Variants in PLCB1 observed in about 807,000 individuals in gnomAD.
PLCB1 encodes the protein 1-phosphatidylinositol 4,5-bisphosphate phosphodiesterase beta-1.
In PLCB1, 46 loss-of-function variants were observed where a neutral mutation model predicts 161.8. The ratio of observed to expected loss-of-function variants is 0.28; its 90% CI spans 0.22 to 0.36. The LOEUF (loss-of-function observed/expected upper bound fraction) is 0.36. PLCB1 is among the 10% of genes least tolerant of loss of function. PLCB1 has a pLI of 1.00. For missense variants in PLCB1, 1,016 were observed against 1,472.5 expected (o/e 0.69, Z 5.07); for synonymous variants, 517 against 503.7 (o/e 1.03, Z -0.35).
At chr20:8,644,350 G>T (rs1321600078) in intron 4 of PLCB1, among the ~76,000 whole-genome samples, 1 of 149,728 alleles carries the variant, frequency 6.7e-6, no homozygotes, top group Non-Finnish European at 1.5e-5. Flanking sequence ...AGGAAGTGAG[G>T]AGCGCCTCTT....
intron 3 of PLCB1, among the ~76,000 whole-genome samples, chr20:8,442,286 G>A (rs902454829): frequency 6.6e-6 from 1 of 152,226 alleles, no homozygotes; most frequent in African/African-American, 2.4e-5. Context: ...ATACTGAGAT[G>A]TTCAAGGGGC....
chr20:8,542,594 A>G (rs967399483), intron 3 of PLCB1, among the ~76,000 whole-genome samples: 6 of 152,352 alleles, frequency 3.9e-5, no homozygotes, highest in Admixed American at 3.9e-4. Flanking sequence ...GGGGGAGAAA[A>G]AGAACAGCAC....
At chr20:8,849,638 T>C (rs1986817801) in intron 31 of PLCB1, among the ~76,000 whole-genome samples, 1 of 151,030 alleles carries the variant, frequency 6.6e-6, no homozygotes, top group Non-Finnish European at 1.5e-5. Flanking sequence ...ATCATGCCAC[T>C]GCACTCCAGC....
chr20:8,653,087 T>A (rs550709053), intron 7 of PLCB1: 288 of 152,206 alleles, frequency 1.9e-3, no homozygotes, highest in African/African-American at 6.7e-3. Flanking sequence ...CAGTGACATC[T>A]GGAATTGTAT....
At chr20:8,474,355 G>A (rs945765008) in intron 3 of PLCB1, among the ~76,000 whole-genome samples, 3 of 152,216 alleles carry the variant, frequency 2.0e-5, no homozygotes, top group Non-Finnish European at 2.9e-5. Flanking sequence ...GGCTGTCAGA[G>A]TATGACATTT....
At chr20:8,192,529 A>C (rs1157275014) in intron 2 of PLCB1, among the ~76,000 whole-genome samples, 2 of 151,254 alleles carry the variant, frequency 1.3e-5, no homozygotes, top group Non-Finnish European at 2.9e-5. Flanking sequence ...TTTTTTAAGA[A>C]TGCAACATCA....
At chr20:8,158,156 A>G (rs369240346) in intron 2 of PLCB1, among the ~76,000 whole-genome samples, 1 of 152,256 alleles carries the variant, frequency 6.6e-6, no homozygotes, top group Non-Finnish European at 1.5e-5. Flanking sequence ...TGCATTCTGC[A>G]TATTGTTCAT....
intron 31 of PLCB1, 52 bp downstream of exon 31, chr20:8,790,313 G>A: frequency 1.4e-6 from 2 of 1,424,150 alleles, no homozygotes; most frequent in Non-Finnish European, 2.0e-6. Flanking sequence ...TTTCCATTTA[G>A]TAAGAGTAAA....
At chr20:8,858,761 G>T (rs13041928) in intron 31 of PLCB1, among the ~76,000 whole-genome samples, 1 of 151,828 alleles carries the variant, frequency 6.6e-6, no homozygotes, top group African/African-American at 2.4e-5. Context: ...CTTACTTAGA[G>T]GTGACCAGAT....
chr20:8,160,584 A>G (rs765879484), intron 2 of PLCB1, among the ~76,000 whole-genome samples: 3 of 152,190 alleles, frequency 2.0e-5, no homozygotes, highest in Non-Finnish European at 2.9e-5. Flanking sequence ...TTTTAAAACC[A>G]TTAGATCTTG....
intron 31 of PLCB1, among the ~76,000 whole-genome samples, chr20:8,873,532 A>G (rs1277052560): frequency 1.3e-5 from 2 of 152,170 alleles, no homozygotes; most frequent in Admixed American, 1.3e-4. Context: ...TGCTATTTTT[A>G]TGCTAAAAAT....
At position 8,697,400 on chromosome 20, in the gene PLCB1, C is replaced by T. The variant is rs116279014; in HGVS notation, c.1010-226C>T. On this transcript the variant is annotated intron_variant, in intron 10 of 31. Coordinates refer to ENST00000338037, the MANE Select transcript of PLCB1 (RefSeq NM_015192.4). ...TGGTAAATAGTTAATAAACATGCAT[C>T]GTTGTTATTGTTACAATGCCCTATC... Among the ~76,000 whole-genome samples the T allele has an allele frequency of 1.1e-3, 164 of 152,238 alleles. 1 individual carries two copies. The highest frequency in any genetic ancestry group is 3.4e-3 in the African/African-American group (142 of 41,524).
chr20:8,441,110 G>A (rs1314466373), intron 3 of PLCB1, among the ~76,000 whole-genome samples: 1 of 152,088 alleles, frequency 6.6e-6, no homozygotes, highest in African/African-American at 2.4e-5. Flanking sequence ...CAAATACGTG[G>A]CCACATTTCT....
chr20:8,472,007 T>C (rs1385496951), intron 3 of PLCB1, among the ~76,000 whole-genome samples: 2 of 152,214 alleles, frequency 1.3e-5, no homozygotes, highest in Non-Finnish European at 2.9e-5. Context: ...AAATAGTCTT[T>C]GGCAGTTCAC....
intron 2 of PLCB1, among the ~76,000 whole-genome samples, chr20:8,220,003 C>T (rs546151981): frequency 6.6e-6 from 1 of 152,018 alleles, no homozygotes; most frequent in Non-Finnish European, 1.5e-5. Context: ...GCCTGGCATA[C>T]AATAAGAATG....
At chr20:8,834,534 G>C (rs1314904199) in intron 31 of PLCB1, among the ~76,000 whole-genome samples, 1 of 152,174 alleles carries the variant, frequency 6.6e-6, no homozygotes, top group Non-Finnish European at 1.5e-5. Context: ...ACAGGCTGCT[G>C]GTCAGCACAG....
chr20:8,707,137 A>G (rs1365936523), intron 11 of PLCB1, among the ~76,000 whole-genome samples: 1 of 152,200 alleles, frequency 6.6e-6, no homozygotes, highest in Non-Finnish European at 1.5e-5. Context: ...CTGTGAGTTC[A>G]TTTCTAAGAA....
intron 2 of PLCB1, among the ~76,000 whole-genome samples, chr20:8,175,311 T>TA (rs534065169): frequency 4.7e-4 from 72 of 152,116 alleles, no homozygotes; most frequent in African/African-American, 1.7e-3. Flanking sequence ...ACCTTAAAGG[T>TA]AAAAGCAAAG....
intron 2 of PLCB1, among the ~76,000 whole-genome samples, chr20:8,229,279 A>G (rs976780319): frequency 6.6e-6 from 1 of 152,132 alleles, no homozygotes; most frequent in African/African-American, 2.4e-5. Context: ...AAAAATATTT[A>G]AAACATTATT....
Sources: allele counts gnomAD v4.1 joint callset (sites outside exome capture counted in the v4.1 genomes callset), GRCh38; gene constraint gnomAD v4.1.1; transcripts MANE v1.5; gene names NCBI Gene and HGNC (gene_info 2026-07-23, HGNC 2026-07-21).